Variants in PRKCA observed in about 807,000 individuals in gnomAD.
The protein encoded by PRKCA is protein kinase C alpha.
PRKCA carries 27 observed loss-of-function variants against 87.0 expected under a neutral mutation model. That is an observed-to-expected ratio of 0.31 (90% CI 0.23 to 0.43). PRKCA has a LOEUF of 0.43. PRKCA is among the 20% of genes least tolerant of loss of function. The pLI is 1.00. For synonymous variants in PRKCA, 329 were observed against 311.1 expected (o/e 1.06, Z -0.61); for missense variants, 518 against 852.3 (o/e 0.61, Z 4.88).
intron 2 of PRKCA, chr17:66,416,265 A>T (rs1455377510): frequency 6.6e-6 from 1 of 152,302 alleles, no homozygotes; most frequent in Non-Finnish European, 1.5e-5. Flanking sequence ...CACCATCCTG[A>T]CTGGCTGAGA....
At chr17:66,435,929 G>A (rs956906142) in intron 2 of PRKCA, among the ~76,000 whole-genome samples, 2 of 152,140 alleles carry the variant, frequency 1.3e-5, no homozygotes, top group African/African-American at 4.8e-5. Flanking sequence ...CTAGTAGTGA[G>A]GTTAGGATTG....
intron 3 of PRKCA, among the ~76,000 whole-genome samples, chr17:66,550,762 G>A (rs945098816): frequency 3.3e-5 from 5 of 152,224 alleles, no homozygotes; most frequent in African/African-American, 9.6e-5. Context: ...TTAAATGTCC[G>A]TTCATTCACT....
At position 66,368,803 on chromosome 17, in the gene PRKCA, TA is replaced by T. The variant is rs1908920281; in HGVS notation, c.205+62679del. On this transcript the variant is annotated intron_variant, in intron 2 of 16. Transcript: ENST00000413366. ...TCACAAATTAAGTTTTATACAAATGTAAAGTACTGCAATTCATGTTGACCTC... is the reference window on the plus strand; with the variant it reads ...TCACAAATTAAGTTTTATACAAATGTAAGTACTGCAATTCATGTTGACCTC... Among the ~76,000 whole-genome samples the T allele has an allele frequency of 3.9e-5, 6 of 152,310 alleles. No individual in the cohort carries two copies. The South Asian group carries it at 1.2e-3, about 32-fold the overall frequency.
chr17:66,765,456 C>CA (rs1974790614), intron 13 of PRKCA, among the ~76,000 whole-genome samples: 31 of 38,072 alleles, frequency 8.1e-4, no homozygotes, highest in African/African-American at 2.8e-3. Context: ...ATATATATAT[C>CA]CATATATATA....
At chr17:66,442,040 T>C (rs567174446) in intron 2 of PRKCA, among the ~76,000 whole-genome samples, 15 of 152,010 alleles carry the variant, frequency 9.9e-5, no homozygotes, top group South Asian at 8.3e-4. Context: ...GCATCATGTT[T>C]TTCATCATGA....
chr17:66,580,628 T>C (rs1969394829), intron 3 of PRKCA, among the ~76,000 whole-genome samples: 1 of 152,212 alleles, frequency 6.6e-6, no homozygotes, highest in African/African-American at 2.4e-5. Flanking sequence ...TAAACTTTAC[T>C]GACATTTAAA....
At chr17:66,706,637 CAAA>C (rs200189418) in intron 8 of PRKCA, among the ~76,000 whole-genome samples, 2 of 104,300 alleles carry the variant, frequency 1.9e-5, no homozygotes, top group East Asian at 2.6e-4. Context: ...GGCTCTGTCT[CAAA>C]AAAAAAAAAA....
intron 8 of PRKCA, among the ~76,000 whole-genome samples, chr17:66,711,335 TATATC>T (rs1329424593): frequency 2.0e-5 from 3 of 152,250 alleles, no homozygotes; most frequent in African/African-American, 7.2e-5. Flanking sequence ...TGTAGTGTAA[TATATC>T]ATAGGCTGAA....
chr17:66,705,697 C>T (rs1973175228), intron 8 of PRKCA, among the ~76,000 whole-genome samples: 1 of 152,078 alleles, frequency 6.6e-6, no homozygotes, highest in Non-Finnish European at 1.5e-5. Flanking sequence ...AGGGGATGAG[C>T]AGGTACCAAG....
At position 66,745,918 on chromosome 17, in the gene PRKCA, G is replaced by A. The variant is rs144018170; in HGVS notation, c.1524+3158G>A. Reference sequence around the variant, plus strand: ...ACTGCTCGAAACTTGAGCGACTCACGTATCCAGACAGCACTCTGCGTGCTT... The same window carrying A: ...ACTGCTCGAAACTTGAGCGACTCACATATCCAGACAGCACTCTGCGTGCTT... On this transcript the variant is annotated intron_variant, in intron 13 of 16. Coordinates refer to ENST00000413366, the MANE Select transcript of PRKCA (RefSeq NM_002737.3). 1.8e-4 allele frequency among the ~76,000 whole-genome samples: 27 copies of A among 152,200 alleles called. 2 individuals are homozygous for A. The East Asian group carries it at 4.5e-3, about 25-fold the overall frequency.
intron 2 of PRKCA, among the ~76,000 whole-genome samples, chr17:66,315,627 G>A (rs908515070): frequency 1.3e-5 from 2 of 152,024 alleles, no homozygotes; most frequent in Non-Finnish European, 2.9e-5. Context: ...TTACAGGCAT[G>A]TGCCATGATG....
chr17:66,640,602 T>C (rs1158761642), intron 3 of PRKCA, among the ~76,000 whole-genome samples: 2 of 152,128 alleles, frequency 1.3e-5, no homozygotes, highest in African/African-American at 2.4e-5. Flanking sequence ...ATTGTATTTC[T>C]GGATACTCTG....
At chr17:66,431,340 G>A (rs1023188676) in intron 2 of PRKCA, among the ~76,000 whole-genome samples, 3 of 152,174 alleles carry the variant, frequency 2.0e-5, no homozygotes, top group Non-Finnish European at 2.9e-5. Context: ...AGCTGTGCCG[G>A]ACAATAGTCA....
At position 66,661,947 on chromosome 17, in the gene PRKCA, C is replaced by A. The variant is rs1285323524; in HGVS notation, c.529+16436C>A. On this transcript the variant is annotated intron_variant, in intron 5 of 16. Coordinates refer to ENST00000413366, the MANE Select transcript of PRKCA (RefSeq NM_002737.3). The stretch of plus-strand genomic sequence containing the variant: ...CAGGCCACGTTGCTGCCTTGGCAGA[C>A]CCTCACCCCTTACCCCTGGAGCTTT... Among the ~76,000 whole-genome samples the A allele has an allele frequency of 3.9e-5, 6 of 152,330 alleles. No individual in the cohort carries two copies. In the South Asian group the frequency reaches 6.2e-4, roughly 16 times the overall value.
intron 16 of PRKCA, among the ~76,000 whole-genome samples, chr17:66,791,104 C>T (rs986449085): frequency 2.7e-5 from 4 of 150,916 alleles, no homozygotes; most frequent in Non-Finnish European, 5.9e-5. Context: ...CCCATTAACT[C>T]GTCATTTAGC....
intron 3 of PRKCA, among the ~76,000 whole-genome samples, chr17:66,570,469 A>T (rs1275523290): frequency 6.6e-6 from 1 of 152,192 alleles, no homozygotes; most frequent in African/African-American, 2.4e-5. Context: ...TTCTTTAAAA[A>T]TTTTTAAAAA....
chr17:66,585,668 T>C (rs988027048), intron 3 of PRKCA, among the ~76,000 whole-genome samples: 6 of 152,094 alleles, frequency 3.9e-5, no homozygotes, highest in Admixed American at 3.9e-4. Flanking sequence ...ACCAGCAATG[T>C]GGAGTGGGGA....
intron 2 of PRKCA, among the ~76,000 whole-genome samples, chr17:66,408,629 G>A (rs1331010372): frequency 6.6e-6 from 1 of 152,144 alleles, no homozygotes; most frequent in East Asian, 1.9e-4. Flanking sequence ...CTTACTTCAT[G>A]CATTTTTAGC....
intron 3 of PRKCA, among the ~76,000 whole-genome samples, chr17:66,555,691 C>A (rs971849308): frequency 2.0e-5 from 3 of 151,928 alleles, no homozygotes; most frequent in Admixed American, 2.0e-4. Context: ...ATTTGAGTTA[C>A]AGGGACAAGA....
Sources: gnomAD v4.1 joint callset for allele counts (sites outside exome capture counted in the v4.1 genomes callset) on GRCh38, gnomAD v4.1.1 for gene constraint, MANE v1.5 for transcripts, NCBI Gene and HGNC (gene_info 2026-07-23, HGNC 2026-07-21) for gene names.